The following MYO1B variants were observed in gnomAD, a reference collection of about 807,000 sequenced individuals.
The protein encoded by MYO1B is unconventional myosin-Ib.
A neutral mutation model predicts 159.7 loss-of-function variants in MYO1B; 72 were observed. That is an observed-to-expected ratio of 0.45 (90% confidence interval 0.37 to 0.55). The LOEUF (loss-of-function observed/expected upper bound fraction) is 0.55, where lower values mean the gene tolerates loss of function less well. MYO1B is among the 20% of genes least tolerant of loss of function. The pLI is 0.00. For missense variants in MYO1B, 1,062 were observed against 1,364.8 expected (o/e 0.78, Z 3.50); for synonymous variants, 468 against 473.8 (o/e 0.99, Z 0.16).
chr2:191,400,957 GC>G lies in MYO1B; in HGVS notation c.2469+124del, dbSNP rs1696576136. ...GTGGCTCACACTGGTGCATGTCCTAGCCGCCAGATTTAACACACCTGGAAAC... is the reference window on the plus strand; with the variant it reads ...GTGGCTCACACTGGTGCATGTCCTAGCGCCAGATTTAACACACCTGGAAAC... On this transcript the variant is annotated intron_variant, in intron 23 of 30. Transcript: ENST00000392318. 4.4e-6 allele frequency: 4 copies of G among 910,838 alleles called. No individual in the cohort carries two copies. The Admixed American group carries it at 1.1e-4, about 25-fold the overall frequency. 56.4% of individuals were successfully genotyped at this position (910,838 alleles called of 1,614,324 possible).
intron 2 of MYO1B, among the ~76,000 whole-genome samples, chr2:191,288,370 T>C (rs555690349): frequency 6.6e-6 from 1 of 152,254 alleles, no homozygotes; most frequent in East Asian, 1.9e-4. Flanking sequence ...TTTAGACCGC[T>C]CAAGCTGTCT....
chr2:191,251,230 G>A (rs185330281), intron 1 of MYO1B, among the ~76,000 whole-genome samples: 1 of 152,264 alleles, frequency 6.6e-6, no homozygotes, highest in East Asian at 1.9e-4. Context: ...GTTTCAGGGC[G>A]TTTGTCTGAT....
intron 3 of MYO1B, among the ~76,000 whole-genome samples, chr2:191,329,304 C>T (rs866281971): frequency 9.2e-5 from 14 of 152,134 alleles, no homozygotes; most frequent in South Asian, 4.1e-4. Context: ...CCAATTTTGC[C>T]TCTGATGGAT....
At chr2:191,303,534 C>A (rs35200176) in intron 3 of MYO1B, among the ~76,000 whole-genome samples, 80,499 of 152,030 alleles carry the variant, frequency 0.53, 22,070 homozygotes, top group East Asian at 0.65. Flanking sequence ...AGAGCTTACC[C>A]TGTGCCAGGC....
intron 1 of MYO1B, among the ~76,000 whole-genome samples, chr2:191,266,711 T>TAGATTC (rs1687162449): frequency 6.6e-6 from 1 of 152,222 alleles, no homozygotes; most frequent in African/African-American, 2.4e-5. Context: ...AAGGTCTCTC[T>TAGATTC]CCTTGCTCTT....
intron 3 of MYO1B, among the ~76,000 whole-genome samples, chr2:191,305,036 G>A (rs1416971124): frequency 6.6e-6 from 1 of 152,174 alleles, no homozygotes; most frequent in African/African-American, 2.4e-5. Flanking sequence ...GCAACATCCT[G>A]GAAAAGATCC....
At chr2:191,294,232 A>G (rs187993585) in intron 2 of MYO1B, among the ~76,000 whole-genome samples, 65 of 152,340 alleles carry the variant, frequency 4.3e-4, no homozygotes, top group African/African-American at 1.5e-3. Flanking sequence ...AGAATGCCAC[A>G]GAGGCAGATT....
chr2:191,362,174 A>G, intron 8 of MYO1B, 94 bp from the exon 9 acceptor site: 1 of 869,112 alleles, frequency 1.2e-6, no homozygotes, highest in Non-Finnish European at 1.8e-6. Flanking sequence ...TATAAAAGCC[A>G]TGTTACCGAT....
chr2:191,321,554 T>TTTGAA (rs1690713370), intron 3 of MYO1B, among the ~76,000 whole-genome samples: 1 of 152,182 alleles, frequency 6.6e-6, no homozygotes, highest in South Asian at 2.1e-4. Context: ...GCTTATTGAA[T>TTTGAA]TTGAATTAAG....
intron 2 of MYO1B, among the ~76,000 whole-genome samples, chr2:191,281,872 C>CT (rs1688083415): frequency 6.6e-6 from 1 of 152,068 alleles, no homozygotes. Context: ...CTGAGTTAGT[C>CT]TAATTTTTAG....
chr2:191,288,744 A>C (rs1688529250), intron 2 of MYO1B, among the ~76,000 whole-genome samples: 1 of 152,224 alleles, frequency 6.6e-6, no homozygotes, highest in Admixed American at 6.5e-5. Context: ...GCGATTGTGC[A>C]GCCTTGTGAT....
intron 21 of MYO1B, among the ~76,000 whole-genome samples, chr2:191,398,610 C>T (rs537878966): frequency 5.4e-4 from 81 of 149,914 alleles, no homozygotes; most frequent in South Asian, 1.5e-3. Context: ...CCAGCAGAGG[C>T]GCTCCTCACA....
chr2:191,353,420 T>A (rs186807923), intron 7 of MYO1B, among the ~76,000 whole-genome samples: 65 of 152,338 alleles, frequency 4.3e-4, no homozygotes, highest in Non-Finnish European at 7.6e-4. Context: ...CAAGGGATTC[T>A]GTCTTCTAGA....
intron 15 of MYO1B, among the ~76,000 whole-genome samples, chr2:191,385,612 AGGC>A (rs1695352778): frequency 1.3e-5 from 2 of 152,168 alleles, no homozygotes; most frequent in African/African-American, 4.8e-5. Context: ...AAGGTGTCTG[AGGC>A]AACTCCCAGG....
At chr2:191,311,266 A>C (rs1689986451) in intron 3 of MYO1B, among the ~76,000 whole-genome samples, 1 of 152,188 alleles carries the variant, frequency 6.6e-6, no homozygotes, top group African/African-American at 2.4e-5. Flanking sequence ...CCACATCAAC[A>C]GCCAAAACTT....
Position 191,409,191 on chromosome 2 carries a change from A to G in MYO1B, c.2766+13A>G, listed in dbSNP as rs760484359. The G allele has an allele frequency of 1.9e-6, 3 of 1,596,544 alleles. No individual in the cohort carries two copies. Among genetic ancestry groups the G allele is most frequent in the South Asian group, 1.2e-5 (1 of 86,486 alleles). The stretch of plus-strand genomic sequence containing the variant: ...CCACTTGTGGAGGGTAAAAAATGTC[A>G]TATTACATCTTTTCGGAGACTTTCT... On this transcript the variant is annotated intron_variant, in intron 26 of 30. Coordinates refer to ENST00000392318, the MANE Select transcript of MYO1B (RefSeq NM_001130158.3).
intron 7 of MYO1B, among the ~76,000 whole-genome samples, chr2:191,353,035 C>T (rs1693022804): frequency 6.6e-6 from 1 of 152,044 alleles, no homozygotes; most frequent in South Asian, 2.1e-4. Context: ...AATTGTGTAC[C>T]CAGGAAGTGG....
intron 2 of MYO1B, among the ~76,000 whole-genome samples, chr2:191,281,215 C>A (rs1024872263): frequency 6.6e-6 from 1 of 152,156 alleles, no homozygotes; most frequent in Non-Finnish European, 1.5e-5. Flanking sequence ...TCATAGCCAT[C>A]TGTGGCCTGG....
At chr2:191,353,977 G>T (rs528083626) in intron 7 of MYO1B, among the ~76,000 whole-genome samples, 85 of 152,262 alleles carry the variant, frequency 5.6e-4, no homozygotes, top group African/African-American at 2.0e-3. Flanking sequence ...TCAAACATAG[G>T]CTGGGTGCCA....
Sources: gnomAD v4.1 joint callset for allele counts (sites outside exome capture counted in the v4.1 genomes callset) on GRCh38, gnomAD v4.1.1 for gene constraint, MANE v1.5 for transcripts, NCBI Gene and HGNC (gene_info 2026-07-23, HGNC 2026-07-21) for gene names.